The following ZNF331 variants were observed in gnomAD, a reference collection of about 807,000 sequenced individuals.
ZNF331 encodes the protein C2H2-like zinc finger protein rearranged in thyroid adenomas.
In ZNF331, 2 loss-of-function variants were observed where a neutral mutation model predicts 7.0. That is an observed-to-expected ratio of 0.29 (90% confidence interval 0.12 to 0.90). ZNF331 has a LOEUF of 0.90. Among genes scored for constraint, ZNF331 ranks in the 40% least tolerant of loss-of-function variants. The pLI, the probability that ZNF331 is intolerant of heterozygous loss-of-function variation, is 0.58. For synonymous variants in ZNF331, 196 were observed against 205.4 expected (o/e 0.95, Z 0.39); for missense variants, 432 against 587.7 (o/e 0.74, Z 2.74).
intron 3 of ZNF331, among the ~76,000 whole-genome samples, chr19:53,559,209 CATAT>C (rs1183563039): frequency 6.7e-6 from 1 of 149,074 alleles, no homozygotes; most frequent in Non-Finnish European, 1.5e-5. Flanking sequence ...TACACACCTA[CATAT>C]AGAGACACAT....
At chr19:53,511,673 T>C in the ZNF331 span, among the ~76,000 whole-genome samples, 1 of 152,180 alleles carries the variant, frequency 6.6e-6, no homozygotes, top group Non-Finnish European at 1.5e-5. Context: ...TCTGAGTCCC[T>C]CATGGACTGC....
chr19:53,571,684 G>A lies in ZNF331; in HGVS notation c.90G>A (p.Leu30=). 3 of 1,613,874 alleles carry A rather than the reference G, an allele frequency of 1.9e-6. No individual in the cohort carries two copies. Among genetic ancestry groups the A allele is most frequent in the Non-Finnish European group, 1.7e-6 (2 of 1,179,858 alleles). ...GTCTGAACTCTGCTCAGAGGGACCT[G>A]TACTGGGACGTGATGCTGGAGAACT... ...WACLNSAQRD[L]YWDVMLENYS... Residue 30 remains leucine, a synonymous_variant, in exon 5 of 6, where the codon CTG becomes CTA. Coordinates refer to ENST00000449416, the MANE Select transcript of ZNF331 (RefSeq NM_001079906.2). The surrounding 1 kb of genome is among the most constrained non-coding windows in gnomAD (Gnocchi z 4.7).
chr19:53,545,698 G>C lies in ZNF331; in HGVS notation c.-138+6416G>C, dbSNP rs555034739. Among the ~76,000 whole-genome samples the C allele has an allele frequency of 8.5e-5, 13 of 152,286 alleles. No homozygotes were observed. In the South Asian group the frequency reaches 2.5e-3, roughly 29 times the overall value. ...CTTCCTCTGCCTTCACCTTCCAACA[G>C]TGTGGTACCTGCCTGAGAGCAGCGG... On this transcript the variant is annotated intron_variant, in intron 2 of 5. Transcript: ENST00000449416.
At chr19:53,513,649 T>TG in the ZNF331 span, among the ~76,000 whole-genome samples, 5 of 150,934 alleles carry the variant, frequency 3.3e-5, no homozygotes, top group African/African-American at 1.2e-4. Context: ...TTTACTTTTT[T>TG]TCGTTGTTGT....
intron 4 of ZNF331, among the ~76,000 whole-genome samples, chr19:53,570,857 TC>T (rs1190335895): frequency 6.9e-5 from 10 of 144,552 alleles, no homozygotes; most frequent in East Asian, 2.0e-4. Flanking sequence ...TCTTTTCTTT[TC>T]TTTTCTTTTT....
intron 2 of ZNF331, among the ~76,000 whole-genome samples, chr19:53,542,736 TTTCA>T (rs2088263815): frequency 6.7e-6 from 1 of 150,340 alleles, no homozygotes; most frequent in Admixed American, 6.6e-5. Flanking sequence ...ACAAAATGAA[TTTCA>T]TTCTTAACAT....
intron 3 of ZNF331, among the ~76,000 whole-genome samples, chr19:53,556,562 C>T (rs2089443733): frequency 6.6e-6 from 1 of 151,420 alleles, no homozygotes; most frequent in Non-Finnish European, 1.5e-5. Flanking sequence ...TGAGCTCAAG[C>T]TTTCCTCCCA....
chr19:53,524,584 A>G (rs1270881198), intron 2 of ZNF331, among the ~76,000 whole-genome samples: 1 of 152,050 alleles, frequency 6.6e-6, no homozygotes, highest in Non-Finnish European at 1.5e-5. Context: ...GTCTGTTCAT[A>G]TCCTTGGCCC....
chr19:53,525,189 C>T (rs112312695), intron 2 of ZNF331, among the ~76,000 whole-genome samples: 12,516 of 152,194 alleles, frequency 0.082, 591 homozygotes, highest in Non-Finnish European at 0.11. Flanking sequence ...AGTTTGAAGT[C>T]AGGTAGTGTG....
intron 4 of ZNF331, among the ~76,000 whole-genome samples, chr19:53,569,793 G>C (rs555544550): frequency 2.6e-5 from 4 of 152,156 alleles, no homozygotes; most frequent in Non-Finnish European, 4.4e-5. Context: ...CTTAGTATGT[G>C]CTCAGATCCC....
chr19:53,557,847 C>T (rs2089535739), intron 3 of ZNF331, among the ~76,000 whole-genome samples: 1 of 152,124 alleles, frequency 6.6e-6, no homozygotes. Context: ...GCCTGTAATC[C>T]CAGCTACTCA....
At chr19:53,555,701 GA>G (rs2147467913) in intron 2 of ZNF331, 143 bp from the exon 3 acceptor site, 1 of 152,334 alleles carries the variant, frequency 6.6e-6, no homozygotes, top group East Asian at 1.9e-4. Context: ...GAGACAGGGA[GA>G]GGGGCAGCTC....
chr19:53,540,117 G>A (rs1178924406), intron 2 of ZNF331, among the ~76,000 whole-genome samples: 6 of 152,160 alleles, frequency 3.9e-5, no homozygotes, highest in Admixed American at 3.9e-4. Flanking sequence ...AGAGGAGCCT[G>A]GCCACATTTA....
chr19:53,537,008 A>G (rs1398490345), upstream of ZNF331, among the ~76,000 whole-genome samples: 1 of 152,220 alleles, frequency 6.6e-6, no homozygotes, highest in Admixed American at 6.5e-5. Flanking sequence ...ATATACTACA[A>G]TCACCAGCTG....
intron 5 of ZNF331, among the ~76,000 whole-genome samples, chr19:53,572,565 CATATATATT>C (rs60601329): frequency 7.0e-6 from 1 of 142,766 alleles, no homozygotes; most frequent in African/African-American, 2.7e-5. Flanking sequence ...TATACACACA[CATATATATT>C]ATATATACAC....
At chr19:53,511,248 A>C in the ZNF331 span, among the ~76,000 whole-genome samples, 2 of 152,158 alleles carry the variant, frequency 1.3e-5, no homozygotes, top group Non-Finnish European at 2.9e-5. Context: ...CATACTATAC[A>C]ATATGGAAAT....
chr19:53,544,592 A>G (rs2088465329), intron 2 of ZNF331, among the ~76,000 whole-genome samples: 2 of 149,156 alleles, frequency 1.3e-5, no homozygotes, highest in Admixed American at 1.3e-4. Context: ...ATGCCATCAT[A>G]TAGCAGACCA....
At chr19:53,561,162 A>G (rs1257313247) in intron 3 of ZNF331, among the ~76,000 whole-genome samples, 1 of 152,056 alleles carries the variant, frequency 6.6e-6, no homozygotes, top group Non-Finnish European at 1.5e-5. Context: ...CGCAAAATAT[A>G]TGTGCACACA....
At chr19:53,540,404 G>C (rs921896409) in intron 2 of ZNF331, among the ~76,000 whole-genome samples, 1 of 152,148 alleles carries the variant, frequency 6.6e-6, no homozygotes, top group African/African-American at 2.4e-5. Flanking sequence ...TCTAGGAGGT[G>C]TGTGTGCTTG....
Sources: allele counts gnomAD v4.1 joint callset (sites outside exome capture counted in the v4.1 genomes callset), GRCh38; gene constraint gnomAD v4.1.1; non-coding constraint Gnocchi (gnomAD v3.1); transcripts MANE v1.5; gene names NCBI Gene and HGNC (gene_info 2026-07-23, HGNC 2026-07-21).